The following MAP3K21 variants were observed in gnomAD, a reference collection of about 807,000 sequenced individuals.
MAP3K21 encodes the protein mitogen-activated protein kinase kinase kinase 21.
A neutral mutation model predicts 86.1 loss-of-function variants in MAP3K21; 63 were observed. The ratio of observed to expected loss-of-function variants is 0.73; its 90% confidence interval spans 0.60 to 0.90. MAP3K21 has a LOEUF of 0.90. Ranked by LOEUF, MAP3K21 falls within the 40% of genes least tolerant of loss-of-function variation. The pLI, the probability that MAP3K21 is intolerant of heterozygous loss-of-function variation, is 0.00. For missense variants in MAP3K21, 1,220 were observed against 1,367.7 expected (o/e 0.89, Z 1.70); for synonymous variants, 558 against 564.8 (o/e 0.99, Z 0.17).
chr1:233,344,570 A>C (rs1663098334), intron 1 of MAP3K21, among the ~76,000 whole-genome samples: 1 of 152,240 alleles, frequency 6.6e-6, no homozygotes, highest in African/African-American at 2.4e-5. Flanking sequence ...CACCTTATAC[A>C]AAAATCAATT....
intron 6 of MAP3K21, among the ~76,000 whole-genome samples, chr1:233,375,451 AAG>A (rs1185832007): frequency 6.6e-6 from 1 of 152,236 alleles, no homozygotes; most frequent in Non-Finnish European, 1.5e-5. Context: ...AAAATAAAGA[AAG>A]AAATAAATTG....
Position 233,362,107 on chromosome 1 carries a change from C to A in MAP3K21, c.1366C>A (p.Gln456Lys). The change falls in exon 5 of 10, where the codon CAG becomes AAG. Residue 456 changes from glutamine to lysine, a missense_variant. Gln to Lys is a moderately conservative substitution (Grantham distance 53, BLOSUM62 1). Coordinates refer to ENST00000366624, the MANE Select transcript of MAP3K21 (RefSeq NM_032435.3). ...TCGGGCGGCTCTGCAGCAGAAGTCT[C>A]AGGAGGAGCTGCTAAAGCGGCGTGA... ...LTRAALQQKSQEELLKRREQQ... is the reference protein window; with the variant it reads ...LTRAALQQKSKEELLKRREQQ... The A allele has an allele frequency of 6.2e-7, 1 of 1,613,764 alleles. No homozygotes were observed. Among genetic ancestry groups the A allele is most frequent in the Non-Finnish European group, 8.5e-7 (1 of 1,179,858 alleles).
chr1:233,370,564 A>T (rs1212711315), intron 5 of MAP3K21, among the ~76,000 whole-genome samples: 1 of 152,228 alleles, frequency 6.6e-6, no homozygotes, highest in African/African-American at 2.4e-5. Flanking sequence ...AATCCTCTTC[A>T]TCTCAAATAG....
chr1:233,376,025 A>G lies in MAP3K21; in HGVS notation c.1785A>G (p.Pro595=). Residue 595 remains proline (P), a synonymous_variant, in exon 7 of 10, where the codon CCA becomes CCG. Coordinates refer to ENST00000366624, the MANE Select transcript of MAP3K21 (RefSeq NM_032435.3). ...NFKKKGCTWG[P]NSIQMKDRTD... is the part of the protein sequence containing the mutation. ...AGAAAAAAGGTTGTACCTGGGGACC[A>G]AATTCCATTCAAATGAAAGATAGAA... 6.2e-7 allele frequency: 1 copy of G among 1,609,206 alleles called. No homozygotes were observed. The highest frequency in any genetic ancestry group is 1.1e-5 in the South Asian group (1 of 89,644).
chr1:233,378,223 C>A (rs1294245), intron 8 of MAP3K21, among the ~76,000 whole-genome samples: 3 of 152,124 alleles, frequency 2.0e-5, no homozygotes, highest in African/African-American at 7.2e-5. Context: ...TTTAATTATG[C>A]GCTGTCACTT....
At chr1:233,357,253 A>G (rs1178998285) in intron 4 of MAP3K21, among the ~76,000 whole-genome samples, 1 of 152,160 alleles carries the variant, frequency 6.6e-6, no homozygotes, top group Non-Finnish European at 1.5e-5. Flanking sequence ...AGGGTGTGTC[A>G]TGGAGTCAGG....
rs1429372337 is a variant in MAP3K21, at chr1:233,379,350, T to G, written c.2344T>G (p.Ser782Ala). ...RSASPPTSLP[S>A]TCGEASSPPS... Reference sequence around the variant, plus strand: ...CGCCAGTCCTCCCACAAGCCTGCCATCCACCTGTGGGGAGGCCAGCAGCCC... The same window carrying G: ...CGCCAGTCCTCCCACAAGCCTGCCAGCCACCTGTGGGGAGGCCAGCAGCCC... The change falls in exon 9 of 10, where the codon TCC (serine) becomes GCC (alanine). Residue 782 changes from serine to alanine, a missense_variant. Physicochemically the swap from Ser to Ala is moderately conservative, Grantham distance 99 (BLOSUM62 1). Transcript: ENST00000366624. 1.2e-6 allele frequency: 2 copies of G among 1,614,142 alleles called. No homozygotes were observed. The highest frequency in any genetic ancestry group is 3.3e-5 in the Admixed American group (2 of 60,020).
chr1:233,333,597 T>TTA (rs34956019), intron 1 of MAP3K21, among the ~76,000 whole-genome samples: 5 of 149,796 alleles, frequency 3.3e-5, no homozygotes, highest in South Asian at 4.2e-4. Flanking sequence ...ATATTAAAAT[T>TTA]AAAAAAAAAA....
Position 233,346,451 on chromosome 1 carries a change from T to C in MAP3K21, c.815T>C (p.Leu272Pro). 6.3e-7 allele frequency: 1 copy of C among 1,588,548 alleles called. No individual in the cohort carries two copies. The highest frequency in any genetic ancestry group is 8.6e-7 in the Non-Finnish European group (1 of 1,166,486). Residue 272 changes from leucine to proline, a missense_variant, in exon 2 of 10, where the codon CTT becomes CCT. Physicochemically the swap from Leu to Pro is moderately conservative, Grantham distance 98. Transcript: ENST00000366624. ...RDLKSSNILL[L>P]EKIEHDDICN... ...TTTGATTTTTCTTTAGTTTTGCTAC[T>C]TGAGAAGATAGAACATGATGACATC...
chr1:233,369,912 A>G (rs1456827186), intron 5 of MAP3K21, among the ~76,000 whole-genome samples: 1 of 152,214 alleles, frequency 6.6e-6, no homozygotes, highest in Non-Finnish European at 1.5e-5. Flanking sequence ...CAGAAAGAAG[A>G]ACTCAGGCTC....
chr1:233,348,269 A>G (rs949253085), intron 2 of MAP3K21, among the ~76,000 whole-genome samples: 4 of 152,120 alleles, frequency 2.6e-5, no homozygotes, highest in Admixed American at 2.0e-4. Context: ...GGCTTCTTTC[A>G]CTGAGCCTAA....
intron 1 of MAP3K21, among the ~76,000 whole-genome samples, chr1:233,341,407 C>T (rs1026952433): frequency 2.0e-5 from 3 of 152,130 alleles, no homozygotes; most frequent in Non-Finnish European, 4.4e-5. Flanking sequence ...CTGCTGAACA[C>T]CTCTGAGATG....
At chr1:233,335,426 CATTT>C (rs1457978715) in intron 1 of MAP3K21, among the ~76,000 whole-genome samples, 1 of 152,032 alleles carries the variant, frequency 6.6e-6, no homozygotes, top group African/African-American at 2.4e-5. Flanking sequence ...GAGTTTTTAA[CATTT>C]ATTTAGGGCA....
chr1:233,340,188 C>T (rs1663014101), intron 1 of MAP3K21, among the ~76,000 whole-genome samples: 1 of 152,156 alleles, frequency 6.6e-6, no homozygotes, highest in African/African-American at 2.4e-5. Context: ...TGCTTATAGA[C>T]TCATCTAATA....
intron 5 of MAP3K21, among the ~76,000 whole-genome samples, chr1:233,367,593 C>T (rs552716729): frequency 6.6e-6 from 1 of 152,288 alleles, no homozygotes; most frequent in African/African-American, 2.4e-5. Context: ...GGCGTGGTGG[C>T]TCATGCCTGT....
At chr1:233,363,781 C>G (rs916121374) in intron 5 of MAP3K21, among the ~76,000 whole-genome samples, 2 of 148,720 alleles carry the variant, frequency 1.3e-5, no homozygotes, top group African/African-American at 2.5e-5. Flanking sequence ...CTGAAGTGGA[C>G]GGGTTGCCTG....
At chr1:233,346,766 A>T (rs1474538226) in intron 2 of MAP3K21, 144 bp downstream of exon 2, 1 of 712,772 alleles carries the variant, frequency 1.4e-6, no homozygotes, top group African/African-American at 1.8e-5. Context: ...AATAATTGTA[A>T]TGACAACGGA....
intron 4 of MAP3K21, among the ~76,000 whole-genome samples, chr1:233,360,827 C>T (rs1377568728): frequency 1.3e-5 from 2 of 152,100 alleles, no homozygotes; most frequent in Non-Finnish European, 2.9e-5. Context: ...GGATCAGAAT[C>T]GTTGAGGTGG....
chr1:233,368,156 T>A (rs1663614825), intron 5 of MAP3K21, among the ~76,000 whole-genome samples: 1 of 152,248 alleles, frequency 6.6e-6, no homozygotes, highest in Non-Finnish European at 1.5e-5. Context: ...CCTCTTGCTG[T>A]AAAAGTTCTC....
Sources: gnomAD v4.1 joint callset for allele counts (sites outside exome capture counted in the v4.1 genomes callset) on GRCh38, gnomAD v4.1.1 for gene constraint, MANE v1.5 for transcripts, NCBI Gene and HGNC (gene_info 2026-07-23, HGNC 2026-07-21) for gene names.